Variants in PPM1H observed in about 807,000 individuals in gnomAD.
PPM1H encodes the protein protein phosphatase 1H.
PPM1H carries 27 observed loss-of-function variants against 54.9 expected under a neutral mutation model. The ratio of observed to expected loss-of-function variants is 0.49; its 90% CI spans 0.36 to 0.68. PPM1H has a LOEUF of 0.68. Ranked by LOEUF, PPM1H falls within the 30% of genes least tolerant of loss-of-function variation. PPM1H has a pLI of 0.00. For missense variants in PPM1H, 596 were observed against 667.8 expected, an observed-to-expected ratio of 0.89 and a Z score of 1.19; for synonymous variants, 305 against 270.8, an observed-to-expected ratio of 1.13 and a Z score of -1.24.
At chr12:62,929,894 A>G (rs750097721) in intron 1 of PPM1H, among the ~76,000 whole-genome samples, 3 of 152,166 alleles carry the variant, frequency 2.0e-5, no homozygotes, top group Non-Finnish European at 2.9e-5. Context: ...TTATCCTTAC[A>G]TAAGAGTAGA....
intron 1 of PPM1H, among the ~76,000 whole-genome samples, chr12:62,842,472 G>A (rs1307848069): frequency 3.3e-5 from 5 of 152,294 alleles, no homozygotes; most frequent in South Asian, 4.1e-4. Flanking sequence ...AAAGACAGAA[G>A]TATTCTAATC....
At chr12:62,706,380 G>A (rs142632211) in intron 6 of PPM1H, among the ~76,000 whole-genome samples, 2 of 152,276 alleles carry the variant, frequency 1.3e-5, no homozygotes. Context: ...CCAAAGGGAG[G>A]AATACCACAC....
chr12:62,889,795 A>T (rs1296712212), intron 1 of PPM1H, among the ~76,000 whole-genome samples: 2 of 152,232 alleles, frequency 1.3e-5, no homozygotes, highest in Admixed American at 1.3e-4. Context: ...TCGCAAACCT[A>T]AATTTAAAAC....
chr12:62,667,454 G>C (rs1224930339), intron 8 of PPM1H, 125 bp from the exon 9 acceptor site: 8 of 863,212 alleles, frequency 9.3e-6, no homozygotes, highest in Middle Eastern at 7.1e-4. Flanking sequence ...ATGCATTGTA[G>C]GGTACTTGAT....
intron 1 of PPM1H, among the ~76,000 whole-genome samples, chr12:62,835,730 T>TA (rs35695836): frequency 1.9e-4 from 29 of 149,678 alleles, no homozygotes; most frequent in African/African-American, 4.6e-4. Flanking sequence ...TCACTGTGTT[T>TA]AAAAAAAAAA....
At chr12:62,773,016 C>T (rs866972705) in intron 4 of PPM1H, among the ~76,000 whole-genome samples, 4 of 151,820 alleles carry the variant, frequency 2.6e-5, no homozygotes, top group South Asian at 2.1e-4. Flanking sequence ...GGCATGGTGG[C>T]GCGCGCTTGT....
In PPM1H at chr12:62,913,593, A is replaced by G. The variant is rs992878694; in HGVS notation, c.245+20899T>C. Among the ~76,000 whole-genome samples, 21 of 152,096 alleles carry G rather than the reference A, an allele frequency of 1.4e-4. No homozygotes were observed. The East Asian group carries it at 3.9e-3, about 28-fold the overall frequency. On this transcript the variant is annotated intron_variant, in intron 1 of 9. Coordinates refer to ENST00000228705, the MANE Select transcript of PPM1H (RefSeq NM_020700.2). ...TTCCTACAGTGGCTTGTTCGGCTGG[A>G]TGGGACTCCTGCTAGACAACTTCAG...
chr12:62,771,118 G>T (rs1463259860), intron 4 of PPM1H, among the ~76,000 whole-genome samples: 2 of 143,916 alleles, frequency 1.4e-5, no homozygotes, highest in Non-Finnish European at 3.0e-5. Flanking sequence ...TGAGAGCTGG[G>T]AGGCTTTTTA....
intron 6 of PPM1H, among the ~76,000 whole-genome samples, chr12:62,696,498 C>T (rs1487559689): frequency 6.6e-6 from 1 of 152,190 alleles, no homozygotes; most frequent in African/African-American, 2.4e-5. Flanking sequence ...CCTTCTCCCC[C>T]TCCATCTTTC....
At chr12:62,759,404 T>TCTTTCTC (rs1245024324) in intron 4 of PPM1H, among the ~76,000 whole-genome samples, 3 of 152,136 alleles carry the variant, frequency 2.0e-5, no homozygotes, top group African/African-American at 7.2e-5. Flanking sequence ...TCCCTCAACC[T>TCTTTCTC]CTTTCTCCTT....
intron 1 of PPM1H, among the ~76,000 whole-genome samples, chr12:62,916,128 C>A (rs1396252676): frequency 1.3e-5 from 2 of 152,120 alleles, no homozygotes; most frequent in Non-Finnish European, 2.9e-5. Flanking sequence ...AACTTGTGAG[C>A]CCCTTGAAAA....
intron 2 of PPM1H, among the ~76,000 whole-genome samples, chr12:62,808,474 A>G (rs2076818211): frequency 6.6e-6 from 1 of 152,114 alleles, no homozygotes; most frequent in African/African-American, 2.4e-5. Flanking sequence ...GATTTTTCCT[A>G]AAACACAACA....
intron 9 of PPM1H, among the ~76,000 whole-genome samples, chr12:62,654,466 C>A (rs1214555055): frequency 6.6e-6 from 1 of 152,206 alleles, no homozygotes; most frequent in Non-Finnish European, 1.5e-5. Flanking sequence ...GCAGACAGCC[C>A]ACCCCAAGGG....
At chr12:62,827,892 C>G (rs764538693) in intron 2 of PPM1H, among the ~76,000 whole-genome samples, 2 of 152,150 alleles carry the variant, frequency 1.3e-5, no homozygotes, top group Admixed American at 6.5e-5. Flanking sequence ...TCTCTGAAAA[C>G]TCACTCCATT....
Position 62,648,588 on chromosome 12 carries a change from C to T in PPM1H, c.1446G>A (p.Leu482=). 1 of 1,613,958 alleles carries T rather than the reference C, an allele frequency of 6.2e-7. No homozygotes were observed. Among genetic ancestry groups the T allele is most frequent in the East Asian group, 2.2e-5 (1 of 44,882 alleles). ...TAGATATCCGCCATCCTCTGTCCTT[C>T]AGCACACCCCGGGCACGCATCACCA... ...QDLVMRARGV[L]KDRGWRISND... The change falls in exon 10 of 10, where the codon CTG becomes CTA. Residue 482 remains leucine (L), a synonymous_variant. Transcript: ENST00000228705.
chr12:62,803,771 T>C (rs1004062712), intron 2 of PPM1H, among the ~76,000 whole-genome samples: 2 of 152,174 alleles, frequency 1.3e-5, no homozygotes, highest in African/African-American at 2.4e-5. Context: ...AGGTAGCCTA[T>C]GGCATAAGAA....
At chr12:62,709,913 A>G (rs2076197287) in intron 6 of PPM1H, among the ~76,000 whole-genome samples, 1 of 152,030 alleles carries the variant, frequency 6.6e-6, no homozygotes, top group African/African-American at 2.4e-5. Flanking sequence ...TCTACTAAAA[A>G]TACAAAATTA....
chr12:62,660,824 CAAATT>C (rs2075878480), intron 9 of PPM1H, among the ~76,000 whole-genome samples: 1 of 152,130 alleles, frequency 6.6e-6, no homozygotes, highest in African/African-American at 2.4e-5. Context: ...CAGTCTGAAA[CAAATT>C]AAGTTTCTCT....
intron 1 of PPM1H, among the ~76,000 whole-genome samples, chr12:62,923,690 C>A (rs998178611): frequency 1.3e-5 from 2 of 152,224 alleles, no homozygotes; most frequent in African/African-American, 4.8e-5. Context: ...GCATGAGCCA[C>A]TGAGCCTGGC....
Sources: gnomAD v4.1 joint callset for allele counts (sites outside exome capture counted in the v4.1 genomes callset) on GRCh38, gnomAD v4.1.1 for gene constraint, MANE v1.5 for transcripts, NCBI Gene and HGNC (gene_info 2026-07-23, HGNC 2026-07-21) for gene names.